The following PCDHGA1 variants were observed in gnomAD, a reference collection of about 807,000 sequenced individuals.
PCDHGA1 encodes the protein protocadherin gamma subfamily A, 1.
A neutral mutation model predicts 58.0 loss-of-function variants in PCDHGA1; 32 were observed. The observed-to-expected ratio is 0.55, with a 90% CI of 0.42 to 0.74. The LOEUF (loss-of-function observed/expected upper bound fraction) is 0.74, where lower values mean the gene tolerates loss of function less well. Ranked by LOEUF, PCDHGA1 falls within the 30% of genes least tolerant of loss-of-function variation. PCDHGA1 has a pLI of 0.00. For missense variants in PCDHGA1, 1,205 were observed against 1,182.3 expected, an observed-to-expected ratio of 1.02 and a Z score of -0.28; for synonymous variants, 498 against 501.1, an observed-to-expected ratio of 0.99 and a Z score of 0.08.
At chr5:141,427,694 A>G in intron 1 of PCDHGA1, 2 of 913,934 alleles carry the variant, frequency 2.2e-6, no homozygotes, top group South Asian at 1.4e-5. Flanking sequence ...CCTCCATCCC[A>G]CAAGTCAGCG....
chr5:141,424,699 G>A (rs185769714), intron 1 of PCDHGA1: 222 of 152,060 alleles, frequency 1.5e-3, no homozygotes, highest in African/African-American at 5.2e-3. Flanking sequence ...CTATTTTTTT[G>A]TTCATTTTCA....
chr5:141,339,644 A>C, intron 1 of PCDHGA1: 1 of 1,613,948 alleles, frequency 6.2e-7, no homozygotes, highest in South Asian at 1.1e-5. Flanking sequence ...GCTATCTGGC[A>C]CCTCCCGCAT....
At chr5:141,462,823 G>A (rs1420321501) in intron 1 of PCDHGA1, among the ~76,000 whole-genome samples, 1 of 152,170 alleles carries the variant, frequency 6.6e-6, no homozygotes, top group African/African-American at 2.4e-5. Flanking sequence ...TTGGACAGCA[G>A]ACATTGTAAA....
At chr5:141,361,514 A>C (rs765118611) in intron 1 of PCDHGA1, 1 of 1,614,028 alleles carries the variant, frequency 6.2e-7, no homozygotes. Context: ...TACATGGTTC[A>C]CGTGGCAGAG....
chr5:141,376,457 C>T (rs945491393), intron 1 of PCDHGA1: 1 of 1,614,214 alleles, frequency 6.2e-7, no homozygotes, highest in Non-Finnish European at 8.5e-7. Context: ...CGAGCCTCTT[C>T]TGATAACTCA....
chr5:141,418,330 A>C (rs1346623372), intron 1 of PCDHGA1: 2 of 1,613,922 alleles, frequency 1.2e-6, no homozygotes, highest in Admixed American at 1.7e-5. Flanking sequence ...TTGAGTCTGC[A>C]GAAGATCCTG....
rs763303627 is a variant in PCDHGA1 at position 141,489,719 on chromosome 5, C to T, written c.2422-5088C>T. The T allele has an allele frequency of 1.4e-5, 22 of 1,613,946 alleles. No homozygotes were observed. The highest frequency in any genetic ancestry group is 9.3e-5 in the African/African-American group (7 of 74,924). On this transcript the variant is annotated intron_variant, in intron 1 of 3. Coordinates refer to ENST00000517417, the MANE Select transcript of PCDHGA1 (RefSeq NM_018912.3). The surrounding 1 kb of genome is among the most constrained non-coding windows in gnomAD (Gnocchi z 4.5). ...TTCCCACTGGACAGTGCCCAGGATCCGGATGTGGGCACCAATACTGTGAGC... is the reference window on the plus strand; with the variant it reads ...TTCCCACTGGACAGTGCCCAGGATCTGGATGTGGGCACCAATACTGTGAGC...
chr5:141,420,465 A>G, intron 1 of PCDHGA1: 1 of 807,604 alleles, frequency 1.2e-6, no homozygotes. Context: ...ATTCAAAGAC[A>G]TTTTAAAGCA....
rs780863525 is a variant in PCDHGA1 at position 141,384,110 on chromosome 5, T to C, written c.2421+51005T>C. The stretch of plus-strand genomic sequence containing the variant: ...AAATCAATAGATAATTATTATAGAT[T>C]GGTCACAACCAAAAACTTGGACCGG... On this transcript the variant is annotated intron_variant, in intron 1 of 3. Transcript: ENST00000517417. The C allele has an allele frequency of 5.0e-6, 8 of 1,604,780 alleles. No homozygotes were observed. The South Asian group carries it at 7.8e-5, about 16-fold the overall frequency.
At chr5:141,360,942 G>A (rs778562389) in intron 1 of PCDHGA1, 11 of 1,613,828 alleles carry the variant, frequency 6.8e-6, no homozygotes, top group Non-Finnish European at 9.3e-6. Flanking sequence ...CCACCGACCG[G>A]GATGAAGGCA....
At chr5:141,380,975 T>C (rs1776901580) in intron 1 of PCDHGA1, among the ~76,000 whole-genome samples, 2 of 152,246 alleles carry the variant, frequency 1.3e-5, no homozygotes, top group Non-Finnish European at 2.9e-5. Flanking sequence ...ATTAAACAAA[T>C]AGAATTTAAC....
In PCDHGA1 at chr5:141,393,591, C is replaced by T. The variant is rs369860953; in HGVS notation, c.2421+60486C>T. On this transcript the variant is annotated intron_variant, in intron 1 of 3. Coordinates refer to ENST00000517417, the MANE Select transcript of PCDHGA1 (RefSeq NM_018912.3). ...CCTTGAGAACATGCCCCCAGGCACG[C>T]GGCTGCTTACTGTAACAGCCAGCGA... The T allele has an allele frequency of 1.8e-5, 29 of 1,613,882 alleles. No homozygotes were observed. The Middle Eastern group carries it at 4.9e-4, about 28-fold the overall frequency.
In PCDHGA1 at chr5:141,367,963, G is replaced by A. The variant is rs983677753; in HGVS notation, c.2421+34858G>A. Among the ~76,000 whole-genome samples the A allele has an allele frequency of 1.4e-4, 21 of 152,110 alleles. 1 individual carries two copies. The South Asian group carries it at 4.2e-3, about 30-fold the overall frequency. On this transcript the variant is annotated intron_variant, in intron 1 of 3. Coordinates refer to ENST00000517417, the MANE Select transcript of PCDHGA1 (RefSeq NM_018912.3). ...CAAAATTTTAAATTTCATATCTAAC[G>A]TATGTGCTCATCTTAAATTAATAGA...
intron 1 of PCDHGA1, chr5:141,388,600 C>G (rs1561620181): frequency 6.2e-7 from 1 of 1,613,856 alleles, no homozygotes; most frequent in Non-Finnish European, 8.5e-7. Context: ...AATGATAATG[C>G]TCCAGTGTTC....
At position 141,345,069 on chromosome 5, in the gene PCDHGA1, G is replaced by A; in HGVS notation, c.2421+11964G>A. On this transcript the variant is annotated intron_variant, in intron 1 of 3. Transcript: ENST00000517417. Reference sequence around the variant, plus strand: ...TCTGGATGTGAATGACAATGCTCCAGAAATTACAATCACGTCTCTCACAAG... The same window carrying A: ...TCTGGATGTGAATGACAATGCTCCAAAAATTACAATCACGTCTCTCACAAG... The A allele has an allele frequency of 6.2e-7, 1 of 1,613,990 alleles. No homozygotes were observed. The highest frequency in any genetic ancestry group is 2.2e-5 in the East Asian group (1 of 44,878).
chr5:141,476,455 G>C lies in PCDHGA1; in HGVS notation c.2422-18352G>C, dbSNP rs572682842. On this transcript the variant is annotated intron_variant, in intron 1 of 3. Transcript: ENST00000517417. The surrounding 1 kb of genome is among the most constrained non-coding windows in gnomAD (Gnocchi z 7.6). ...CTGTAACTCTGGAGTTGGTAGTGGA[G>C]AACCCGCTGGAGCTGTTCAGCGTGG... 22 of 1,614,152 alleles carry C rather than the reference G, an allele frequency of 1.4e-5. No homozygotes were observed. In the South Asian group the frequency reaches 2.4e-4, roughly 18 times the overall value.
At chr5:141,403,050 A>G in intron 1 of PCDHGA1, 2 of 1,614,060 alleles carry the variant, frequency 1.2e-6, no homozygotes, top group Non-Finnish European at 1.7e-6. Flanking sequence ...CAGATTCGCT[A>G]CTCAGTGCCT....
chr5:141,451,976 A>T (rs2098729884), intron 1 of PCDHGA1, among the ~76,000 whole-genome samples: 1 of 152,164 alleles, frequency 6.6e-6, no homozygotes, highest in Non-Finnish European at 1.5e-5. Flanking sequence ...TTTTTGCTGT[A>T]GTTTGTTCAT....
At chr5:141,407,976 G>T (rs1392473551) in intron 1 of PCDHGA1, 2 of 742,146 alleles carry the variant, frequency 2.7e-6, no homozygotes, top group South Asian at 2.3e-5. Flanking sequence ...CTGACGCCGG[G>T]GATCCGTCAG....
Sources: allele counts gnomAD v4.1 joint callset (sites outside exome capture counted in the v4.1 genomes callset), GRCh38; gene constraint gnomAD v4.1.1; non-coding constraint Gnocchi (gnomAD v3.1); transcripts MANE v1.5; gene names NCBI Gene and HGNC (gene_info 2026-07-23, HGNC 2026-07-21).